Variants in VTI1A observed in about 807,000 individuals in gnomAD.
VTI1A encodes vesicle transport through interaction with t-SNAREs 1A, also known as vesicle transport through interaction with t-SNAREs homolog 1A.
Under a neutral mutation model 34.9 loss-of-function variants are expected in VTI1A, and 22 were observed. The observed-to-expected ratio is 0.63, with a 90% confidence interval of 0.45 to 0.90. The LOEUF is 0.90. Among genes scored for constraint, VTI1A ranks in the 40% least tolerant of loss-of-function variants. The pLI is 0.00. For synonymous variants in VTI1A, 87 were observed against 97.3 expected (o/e 0.89, Z 0.62); for missense variants, 268 against 275.6 (o/e 0.97, Z 0.20).
intron 7 of VTI1A, among the ~76,000 whole-genome samples, chr10:112,683,106 C>T (rs1382969005): frequency 2.0e-5 from 3 of 152,212 alleles, no homozygotes; most frequent in Non-Finnish European, 4.4e-5. Flanking sequence ...TGAAGCAAAG[C>T]ATGCTTGTAG....
In VTI1A at chr10:112,597,693, CT is replaced by C. The variant is rs1180451909; in HGVS notation, c.427+59385del. ...TGGGCAACATAGTGAGACCTTGTCTCTTTTTTTTTTTTTTTTTTTTTTGAGA... is the reference window on the plus strand; with the variant it reads ...TGGGCAACATAGTGAGACCTTGTCTCTTTTTTTTTTTTTTTTTTTTTGAGA... On this transcript the variant is annotated intron_variant, in intron 5 of 7. Coordinates refer to ENST00000393077, the MANE Select transcript of VTI1A (RefSeq NM_145206.4). Among the ~76,000 whole-genome samples the C allele has an allele frequency of 3.8e-3, 342 of 90,616 alleles. 1 individual carries two copies. The highest frequency in any genetic ancestry group is 0.016 in the South Asian group (39 of 2,466). The allele number at this position is 90,616 out of a possible 152,430, so 59.4% of individuals were successfully genotyped here. A position where few individuals can be genotyped will look rare whatever the true frequency, so the allele number is the denominator to read the frequency against.
At chr10:112,608,537 A>C (rs1226535983) in intron 5 of VTI1A, among the ~76,000 whole-genome samples, 1 of 152,184 alleles carries the variant, frequency 6.6e-6, no homozygotes, top group Non-Finnish European at 1.5e-5. Context: ...ACATGTGGGC[A>C]AATATATCTA....
At chr10:112,790,958 C>T (rs1177595467) in intron 7 of VTI1A, among the ~76,000 whole-genome samples, 1 of 152,122 alleles carries the variant, frequency 6.6e-6, no homozygotes, top group Non-Finnish European at 1.5e-5. Context: ...TTCCCAGAAT[C>T]CCAAAGACCC....
At chr10:112,709,054 G>C (rs1849305785) in intron 7 of VTI1A, among the ~76,000 whole-genome samples, 1 of 152,130 alleles carries the variant, frequency 6.6e-6, no homozygotes, top group South Asian at 2.1e-4. Context: ...TATCCCGGGA[G>C]GGGTACGTGT....
At chr10:112,673,466 G>A (rs368044732) in intron 7 of VTI1A, among the ~76,000 whole-genome samples, 3 of 33,964 alleles carry the variant, frequency 8.8e-5, no homozygotes, top group East Asian at 1.5e-3. Context: ...GCGCGTGCGC[G>A]CGCACACACA....
chr10:112,795,431 CTT>C (rs35159993), intron 7 of VTI1A, among the ~76,000 whole-genome samples: 20 of 123,986 alleles, frequency 1.6e-4, no homozygotes, highest in African/African-American at 4.0e-4. Context: ...CCCTATTACT[CTT>C]TTTTTTTTTT....
At position 112,686,611 on chromosome 10, in the gene VTI1A, G is replaced by A. The variant is rs1484317498; in HGVS notation, c.560+17613G>A. ...TAGTTTCTTTAGATGAATCTTCTTT[G>A]AGGTTTAAGTGTCCTTCTAAGTGGT... On this transcript the variant is annotated intron_variant, in intron 7 of 7. Coordinates refer to ENST00000393077, the MANE Select transcript of VTI1A (RefSeq NM_145206.4). Among the ~76,000 whole-genome samples, 3 of 152,254 alleles carry A rather than the reference G, an allele frequency of 2.0e-5. No individual in the cohort carries two copies. The East Asian group carries it at 5.8e-4, about 29-fold the overall frequency.
chr10:112,752,898 T>C (rs1851149662), intron 7 of VTI1A, among the ~76,000 whole-genome samples: 1 of 152,204 alleles, frequency 6.6e-6, no homozygotes, highest in African/African-American at 2.4e-5. Context: ...TTTTTACCAA[T>C]GCCCTTTTTT....
At chr10:112,463,689 G>C (rs1847806127) in intron 2 of VTI1A, among the ~76,000 whole-genome samples, 1 of 151,584 alleles carries the variant, frequency 6.6e-6, no homozygotes, top group Non-Finnish European at 1.5e-5. Flanking sequence ...GCATATTACT[G>C]TATCCATTTA....
intron 3 of VTI1A, among the ~76,000 whole-genome samples, chr10:112,515,768 T>G (rs1276767764): frequency 6.6e-6 from 1 of 152,020 alleles, no homozygotes; most frequent in Admixed American, 6.6e-5. Flanking sequence ...GTTTGTGGCT[T>G]TTTTTTGGTA....
At chr10:112,550,935 A>G (rs1030239207) in intron 5 of VTI1A, among the ~76,000 whole-genome samples, 15 of 152,086 alleles carry the variant, frequency 9.9e-5, no homozygotes, top group Non-Finnish European at 8.8e-5. Flanking sequence ...AAAGGTTGAT[A>G]TTTGTGTTTA....
chr10:112,576,271 C>G (rs138494861), intron 5 of VTI1A, among the ~76,000 whole-genome samples: 1 of 151,432 alleles, frequency 6.6e-6, no homozygotes, highest in Non-Finnish European at 1.5e-5. Context: ...CCGCCCCGCT[C>G]GGCCTCCCAA....
upstream of VTI1A, chr10:112,447,020 C>CGGGG: frequency 3.6e-6 from 1 of 279,520 alleles, no homozygotes; most frequent in Non-Finnish European, 7.1e-6. Flanking sequence ...CGTGTGGATC[C>CGGGG]GGAGCCGATT....
At chr10:112,788,601 TGACTGGA>T (rs927164893) in intron 7 of VTI1A, among the ~76,000 whole-genome samples, 7 of 152,214 alleles carry the variant, frequency 4.6e-5, no homozygotes, top group Non-Finnish European at 1.0e-4. Context: ...CTCTGCTGTT[TGACTGGA>T]GTGTTTAGTC....
chr10:112,496,159 C>G (rs186691861), intron 3 of VTI1A, among the ~76,000 whole-genome samples: 5 of 114,916 alleles, frequency 4.4e-5, no homozygotes, highest in Admixed American at 1.1e-4. Flanking sequence ...GCCAAGAATT[C>G]AAGACCAGCA....
chr10:112,554,350 A>G (rs976441365), intron 5 of VTI1A, among the ~76,000 whole-genome samples: 7 of 152,320 alleles, frequency 4.6e-5, no homozygotes, highest in Middle Eastern at 3.4e-3. Context: ...TGGAACAGAA[A>G]AAGGACATTG....
chr10:112,845,739 C>T, the VTI1A span, among the ~76,000 whole-genome samples: 1 of 152,142 alleles, frequency 6.6e-6, no homozygotes, highest in Non-Finnish European at 1.5e-5. Context: ...AGTGGGGGGC[C>T]GGACATGGTG....
intron 7 of VTI1A, among the ~76,000 whole-genome samples, chr10:112,694,924 A>G (rs1400638107): frequency 6.6e-6 from 1 of 152,152 alleles, no homozygotes; most frequent in Admixed American, 6.5e-5. Context: ...AGCTGAGATC[A>G]CACCACTTCA....
intron 7 of VTI1A, among the ~76,000 whole-genome samples, chr10:112,764,257 A>G (rs118076713): frequency 0.015 from 2,244 of 152,176 alleles, 32 homozygotes; most frequent in Non-Finnish European, 0.022. Flanking sequence ...CTTAACCCCA[A>G]TCAGTGCCTG....
Sources: gnomAD v4.1 joint callset for allele counts (sites outside exome capture counted in the v4.1 genomes callset) on GRCh38, gnomAD v4.1.1 for gene constraint, MANE v1.5 for transcripts, NCBI Gene and HGNC (gene_info 2026-07-23, HGNC 2026-07-21) for gene names.